SYT9: variants seen among roughly 807,000 people sequenced by gnomAD.
SYT9 encodes synaptotagmin 9.
A neutral mutation model predicts 48.4 loss-of-function variants in SYT9; 22 were observed. That is an observed-to-expected ratio of 0.45 (90% CI 0.32 to 0.65). The LOEUF (loss-of-function observed/expected upper bound fraction) is 0.65. Ranked by LOEUF, SYT9 falls within the 30% of genes least tolerant of loss-of-function variation. The pLI is 0.03. For synonymous variants in SYT9, 265 were observed against 245.0 expected (o/e 1.08, Z -0.76); for missense variants, 577 against 622.0 (o/e 0.93, Z 0.77).
At chr11:7,270,443 A>C (rs1336480239) in intron 1 of SYT9, among the ~76,000 whole-genome samples, 1 of 152,230 alleles carries the variant, frequency 6.6e-6, no homozygotes, top group Non-Finnish European at 1.5e-5. Flanking sequence ...AGCCATTCTC[A>C]GTTCAGTGCT....
intron 6 of SYT9, among the ~76,000 whole-genome samples, chr11:7,424,222 G>C (rs1847410449): frequency 6.6e-6 from 1 of 152,146 alleles, no homozygotes; most frequent in South Asian, 2.1e-4. Flanking sequence ...TTCTCTCGCA[G>C]GAATTCTGGA....
chr11:7,248,298 T>C (rs1847819460), upstream of SYT9, among the ~76,000 whole-genome samples: 1 of 152,148 alleles, frequency 6.6e-6, no homozygotes, highest in African/African-American at 2.4e-5. Flanking sequence ...CTGCTGTTTT[T>C]TTTTTCCTGT....
At position 7,303,284 on chromosome 11, in the gene SYT9, C is replaced by T. The variant is rs1848965791; in HGVS notation, c.391C>T (p.His131Tyr). The T allele has an allele frequency of 1.2e-6, 2 of 1,614,014 alleles. No homozygotes were observed. Among genetic ancestry groups the T allele is most frequent in the East Asian group, 2.2e-5 (1 of 44,882 alleles). Residue 131 changes from histidine (H) to tyrosine (Y), a missense_variant, in exon 2 of 7, where the codon CAC becomes TAC. By Grantham distance (83) the His-to-Tyr change is moderately conservative. Coordinates refer to ENST00000318881, the MANE Select transcript of SYT9 (RefSeq NM_175733.4). ...CCCTGACTCCTCCATGAAGATCAGC[C>T]ACACCTCCCCTGACATTCCCCTCTC... is the stretch of plus-strand genomic sequence containing the variant. Reference protein sequence around the residue: ...PCPDSSMKISHTSPDIPLSTQ... With the variant: ...PCPDSSMKISYTSPDIPLSTQ...
intron 6 of SYT9, among the ~76,000 whole-genome samples, chr11:7,433,919 A>C (rs1847657017): frequency 2.6e-5 from 4 of 152,206 alleles, no homozygotes; most frequent in Admixed American, 2.6e-4. Context: ...GAATCACATC[A>C]AAAAATAAGG....
intron 6 of SYT9, among the ~76,000 whole-genome samples, chr11:7,427,106 A>C (rs1455839968): frequency 1.3e-5 from 2 of 150,554 alleles, no homozygotes; most frequent in African/African-American, 4.9e-5. Context: ...TGAAAAAAAA[A>C]TGAATGAATG....
At chr11:7,253,970 T>G (rs905110357) in intron 1 of SYT9, among the ~76,000 whole-genome samples, 2 of 152,206 alleles carry the variant, frequency 1.3e-5, no homozygotes, top group Non-Finnish European at 2.9e-5. Context: ...AGCAGTTGTC[T>G]TTGGCTTTAC....
At chr11:7,405,224 A>G (rs948947473) in intron 3 of SYT9, among the ~76,000 whole-genome samples, 1 of 151,936 alleles carries the variant, frequency 6.6e-6, no homozygotes, top group Non-Finnish European at 1.5e-5. Flanking sequence ...AGCACTATTG[A>G]CCTTTTGGAC....
intron 3 of SYT9, among the ~76,000 whole-genome samples, chr11:7,400,034 G>C (rs138367180): frequency 3.3e-5 from 5 of 152,160 alleles, no homozygotes; most frequent in Non-Finnish European, 7.3e-5. Flanking sequence ...TAATGTTTAT[G>C]CCACGTACTT....
Position 7,313,680 on chromosome 11 carries a change from G to T in SYT9, c.783G>T (p.Lys261Asn). The change falls in exon 3 of 7, where the codon AAG (lysine) becomes AAT (asparagine). Residue 261 changes from lysine (K) to asparagine (N), a missense_variant. Coordinates refer to ENST00000318881, the MANE Select transcript of SYT9 (RefSeq NM_175733.4). ...CTGGGACTTCAGATCCTTATGTCAA[G>T]ATCTATTTGCTTCCTGATCGGAAAA... ...DFSGTSDPYV[K>N]IYLLPDRKTK... The T allele has an allele frequency of 6.2e-7, 1 of 1,614,188 alleles. No homozygotes were observed.
chr11:7,344,740 ACT>A (rs971886028), intron 3 of SYT9, among the ~76,000 whole-genome samples: 24 of 151,930 alleles, frequency 1.6e-4, no homozygotes, highest in African/African-American at 5.6e-4. Flanking sequence ...TCTATTCTGG[ACT>A]CTCTATTCTT....
In SYT9 at chr11:7,297,189, A is replaced by G. The variant is rs1443555415; in HGVS notation, c.146-5850A>G. ...GGAGACTCTGGACCTCACCCAAGAC[A>G]TATTAAATAAGAATATCTAAGATTG... On this transcript the variant is annotated intron_variant, in intron 1 of 6. Transcript: ENST00000318881. Among the ~76,000 whole-genome samples the G allele has an allele frequency of 2.0e-5, 3 of 152,284 alleles. No individual in the cohort carries two copies. The East Asian group carries it at 5.8e-4, about 29-fold the overall frequency.
At chr11:7,391,142 G>A (rs1487254485) in intron 3 of SYT9, among the ~76,000 whole-genome samples, 1 of 152,084 alleles carries the variant, frequency 6.6e-6, no homozygotes, top group Non-Finnish European at 1.5e-5. Context: ...TTGTGTTTCT[G>A]TAAGGACATG....
intron 6 of SYT9, among the ~76,000 whole-genome samples, chr11:7,455,470 A>C (rs1848134511): frequency 6.6e-6 from 1 of 151,568 alleles, no homozygotes; most frequent in East Asian, 1.9e-4. Context: ...AGTAGCTGGG[A>C]CTACAGGCAC....
chr11:7,441,228 C>A (rs1420857339), intron 6 of SYT9: 1 of 152,186 alleles, frequency 6.6e-6, no homozygotes, highest in Admixed American at 6.5e-5. Flanking sequence ...ATATTGTGGG[C>A]ATTAGCAGAA....
rs1849188352 is a variant in SYT9 at position 7,313,788 on chromosome 11, C to G, written c.891C>G (p.Asp297Glu). Residue 297 changes from aspartate (D) to glutamate (E), a missense_variant, in exon 3 of 7, where the codon GAC (aspartate) becomes GAG (glutamate). Physicochemically the swap from Asp to Glu is conservative, Grantham distance 45. Transcript: ENST00000318881. ...TTTTATTTCCGGTTCCCTACAATGACCTTGAAGCACGGAAGCTTCACTTCT... is the reference window on the plus strand; with the variant it reads ...TTTTATTTCCGGTTCCCTACAATGAGCTTGAAGCACGGAAGCTTCACTTCT... ...EVFLFPVPYNDLEARKLHFSV... is the reference protein window; with the variant it reads ...EVFLFPVPYNELEARKLHFSV... The G allele has an allele frequency of 6.2e-7, 1 of 1,614,106 alleles. No individual in the cohort carries two copies. Among genetic ancestry groups the G allele is most frequent in the Non-Finnish European group, 8.5e-7 (1 of 1,180,042 alleles).
rs1461920789 is a variant in SYT9 at position 7,449,605 on chromosome 11, A to G, written c.1468-17187A>G. Among the ~76,000 whole-genome samples the G allele has an allele frequency of 3.3e-5, 5 of 152,212 alleles. No individual in the cohort carries two copies. In the East Asian group the frequency reaches 9.7e-4, roughly 29 times the overall value. On this transcript the variant is annotated intron_variant, in intron 6 of 6. Coordinates refer to ENST00000318881, the MANE Select transcript of SYT9 (RefSeq NM_175733.4). The stretch of plus-strand genomic sequence containing the variant: ...GGCTGGTTTGGAGAAGGGGAAGTAC[A>G]GGGCAGGATATGATGACAGTAGGGA...
chr11:7,305,700 T>G (rs963524432), intron 2 of SYT9, among the ~76,000 whole-genome samples: 1 of 152,210 alleles, frequency 6.6e-6, no homozygotes, highest in African/African-American at 2.4e-5. Context: ...TCTCATTATG[T>G]TCTTTACTTT....
chr11:7,278,511 C>T (rs961962733), intron 1 of SYT9, among the ~76,000 whole-genome samples: 1 of 152,134 alleles, frequency 6.6e-6, no homozygotes, highest in Non-Finnish European at 1.5e-5. Context: ...TACAGGTGGA[C>T]TTAAGAAGTG....
chr11:7,313,586 A>G lies in SYT9; in HGVS notation c.689A>G (p.Tyr230Cys). 6.2e-7 allele frequency: 1 copy of G among 1,614,190 alleles called. No individual in the cohort carries two copies. The highest frequency in any genetic ancestry group is 8.5e-7 in the Non-Finnish European group (1 of 1,180,020). Residue 230 changes from tyrosine to cysteine, a missense_variant, in exon 3 of 7, where the codon TAT (tyrosine) becomes TGT (cysteine). Transcript: ENST00000318881. ...GGGAAACTGAACTTCATTTTAAAAT[A>G]TGACTGTGACTTAGAGCAGCTCATA... Reference protein sequence around the residue: ...ACGKLNFILKYDCDLEQLIVK... With the variant: ...ACGKLNFILKCDCDLEQLIVK...
Sources: gnomAD v4.1 joint callset for allele counts (sites outside exome capture counted in the v4.1 genomes callset) on GRCh38, gnomAD v4.1.1 for gene constraint, MANE v1.5 for transcripts, NCBI Gene and HGNC (gene_info 2026-07-23, HGNC 2026-07-21) for gene names.